The following MALRD1 variants were observed in gnomAD, a reference collection of about 807,000 sequenced individuals.
The protein encoded by MALRD1 is MAM and LDL receptor class A domain containing 1.
In MALRD1, 247 loss-of-function variants were observed where a neutral mutation model predicts 242.1. The observed-to-expected ratio is 1.02, with a 90% CI of 0.92 to 1.13. MALRD1 has a LOEUF of 1.13. MALRD1 is among the 50% of genes most tolerant of loss of function. The probability of loss-of-function intolerance (pLI) is 0.00; values close to 1 mark genes in which losing one functional copy is unlikely to be tolerated. For missense variants in MALRD1, 2,989 were observed against 2,533.1 expected, an observed-to-expected ratio of 1.18 and a Z score of -3.86; for synonymous variants, 995 against 866.6, an observed-to-expected ratio of 1.15 and a Z score of -2.60.
At chr10:19,315,786 A>G (rs550372461) in intron 21 of MALRD1, among the ~76,000 whole-genome samples, 1 of 142,918 alleles carries the variant, frequency 7.0e-6, no homozygotes, top group African/African-American at 2.5e-5. Context: ...TGTATGTATT[A>G]TATAATTTAT....
At chr10:19,257,617 C>T (rs1839573720) in intron 18 of MALRD1, 67 bp from the exon 19 acceptor site, 1 of 1,198,270 alleles carries the variant, frequency 8.3e-7, no homozygotes, top group African/African-American at 1.5e-5. Context: ...TTCATCCATT[C>T]CATAACTTAA....
At chr10:19,656,693 T>C (rs1385503854) in intron 36 of MALRD1, among the ~76,000 whole-genome samples, 1 of 152,158 alleles carries the variant, frequency 6.6e-6, no homozygotes, top group Non-Finnish European at 1.5e-5. Context: ...TCTGGGAACA[T>C]TTCTCAGCTG....
intron 32 of MALRD1, 99 bp downstream of exon 32, chr10:19,531,450 G>C: frequency 1.7e-6 from 2 of 1,180,858 alleles, no homozygotes; most frequent in Non-Finnish European, 1.2e-6. Context: ...TGGTCACACC[G>C]CCAGTGCTGA....
intron 24 of MALRD1, among the ~76,000 whole-genome samples, chr10:19,342,218 G>A (rs1843916847): frequency 1.3e-5 from 2 of 152,162 alleles, no homozygotes; most frequent in Admixed American, 1.3e-4. Context: ...CTCTGGGCTA[G>A]GGAGTAGTAC....
intron 38 of MALRD1, among the ~76,000 whole-genome samples, chr10:19,694,626 G>T (rs1165093827): frequency 6.6e-6 from 1 of 152,178 alleles, no homozygotes; most frequent in Non-Finnish European, 1.5e-5. Context: ...CTGTTGGTGG[G>T]ACTGTAAACT....
At chr10:19,401,122 G>C (rs1413562249) in intron 28 of MALRD1, among the ~76,000 whole-genome samples, 2 of 152,044 alleles carry the variant, frequency 1.3e-5, no homozygotes, top group African/African-American at 4.8e-5. Context: ...AGTGGCCCCT[G>C]AATTCACCAA....
intron 28 of MALRD1, among the ~76,000 whole-genome samples, chr10:19,448,857 C>T (rs941214234): frequency 2.0e-5 from 3 of 151,814 alleles, no homozygotes; most frequent in African/African-American, 7.2e-5. Context: ...TTTTTGGAAT[C>T]TGTTGTTAAA....
chr10:19,637,446 C>T (rs565773410), intron 36 of MALRD1, among the ~76,000 whole-genome samples: 3 of 152,140 alleles, frequency 2.0e-5, no homozygotes, highest in Non-Finnish European at 2.9e-5. Context: ...TTAATTGTCA[C>T]CAGGTAAAGT....
At chr10:19,176,439 A>G (rs1835246341) in intron 14 of MALRD1, among the ~76,000 whole-genome samples, 1 of 136,410 alleles carries the variant, frequency 7.3e-6, no homozygotes, top group African/African-American at 2.7e-5. Flanking sequence ...CAGTGGCGCA[A>G]TCTCGGCTCA....
chr10:19,530,439 A>ATAATAAATAT (rs1554793516), intron 31 of MALRD1, among the ~76,000 whole-genome samples: 34,334 of 89,942 alleles, frequency 0.38, 11,733 homozygotes, highest in Non-Finnish European at 0.5. Flanking sequence ...AATATATATA[A>ATAATAAATAT]TATATAATAT....
chr10:19,607,035 T>G lies in MALRD1; in HGVS notation c.5945-742T>G, dbSNP rs528069463. ...AGTGCTTTGCAAGACTAGGTAGCCA[T>G]TGAACAGGCATCAGTGCTCTTGATG... On this transcript the variant is annotated intron_variant, in intron 34 of 39. Transcript: ENST00000454679. Among the ~76,000 whole-genome samples the G allele has an allele frequency of 1.1e-4, 16 of 152,284 alleles. No individual in the cohort carries two copies. In the South Asian group the frequency reaches 3.1e-3, roughly 30 times the overall value.
At chr10:19,476,219 C>CTAGA (rs950221342) in intron 29 of MALRD1, among the ~76,000 whole-genome samples, 1 of 152,138 alleles carries the variant, frequency 6.6e-6, no homozygotes, top group African/African-American at 2.4e-5. Context: ...GAGCTGCCCA[C>CTAGA]TAGATGCCTG....
chr10:19,111,540 G>A (rs1001791774), intron 5 of MALRD1, among the ~76,000 whole-genome samples: 9 of 152,190 alleles, frequency 5.9e-5, no homozygotes, highest in African/African-American at 1.2e-4. Context: ...AGACCTACAC[G>A]TATGACAGAG....
chr10:19,695,344 A>G (rs1223068252), intron 38 of MALRD1, among the ~76,000 whole-genome samples: 1 of 152,120 alleles, frequency 6.6e-6, no homozygotes, highest in Non-Finnish European at 1.5e-5. Context: ...GGCAAAGGAA[A>G]TTATTTCTTT....
intron 26 of MALRD1, among the ~76,000 whole-genome samples, chr10:19,364,105 C>T (rs1015248480): frequency 6.6e-6 from 1 of 151,932 alleles, no homozygotes; most frequent in Admixed American, 6.6e-5. Flanking sequence ...CCAGTTTTTA[C>T]ATTAGAGGAC....
At chr10:19,051,050 T>C (rs1259899493) in intron 1 of MALRD1, among the ~76,000 whole-genome samples, 1 of 152,228 alleles carries the variant, frequency 6.6e-6, no homozygotes, top group Non-Finnish European at 1.5e-5. Context: ...CTTCTTGCTT[T>C]TCATTTTCAT....
At chr10:19,086,166 A>T (rs759559879) in intron 2 of MALRD1, among the ~76,000 whole-genome samples, 6 of 152,038 alleles carry the variant, frequency 3.9e-5, no homozygotes, top group Non-Finnish European at 7.4e-5. Flanking sequence ...TTCATAAGCA[A>T]TCGTTAATAT....
intron 1 of MALRD1, among the ~76,000 whole-genome samples, chr10:19,053,323 C>G (rs1834564168): frequency 6.6e-6 from 1 of 152,142 alleles, no homozygotes; most frequent in South Asian, 2.1e-4. Context: ...ATTTGCTCAT[C>G]CTTGCAATCC....
intron 31 of MALRD1, among the ~76,000 whole-genome samples, chr10:19,508,944 A>C (rs1833271654): frequency 6.6e-6 from 1 of 152,168 alleles, no homozygotes; most frequent in South Asian, 2.1e-4. Flanking sequence ...TTTACTTATA[A>C]ATTTACACAC....
Sources: allele counts gnomAD v4.1 joint callset (sites outside exome capture counted in the v4.1 genomes callset), GRCh38; gene constraint gnomAD v4.1.1; transcripts MANE v1.5; gene names NCBI Gene and HGNC (gene_info 2026-07-23, HGNC 2026-07-21).